The following CPNE8 variants were observed in gnomAD, a reference collection of about 807,000 sequenced individuals.
CPNE8 encodes the protein copine-8.
A neutral mutation model predicts 81.5 loss-of-function variants in CPNE8; 45 were observed. The observed-to-expected ratio is 0.55, with a 90% CI of 0.44 to 0.71. The LOEUF (loss-of-function observed/expected upper bound fraction) is 0.71, where lower values mean the gene tolerates loss of function less well. Ranked by LOEUF, CPNE8 falls within the 30% of genes least tolerant of loss-of-function variation. CPNE8 has a pLI of 0.00. For synonymous variants in CPNE8, 252 were observed against 226.3 expected, an observed-to-expected ratio of 1.11 and a Z score of -1.02; for missense variants, 594 against 672.1, an observed-to-expected ratio of 0.88 and a Z score of 1.28.
chr12:38,819,115 T>A (rs770515167), intron 6 of CPNE8, among the ~76,000 whole-genome samples: 1 of 152,250 alleles, frequency 6.6e-6, no homozygotes, highest in Non-Finnish European at 1.5e-5. Flanking sequence ...TTTATTTTGC[T>A]GTGCAGAAGC....
chr12:38,819,151 G>C (rs961875982), intron 6 of CPNE8, among the ~76,000 whole-genome samples: 1 of 152,070 alleles, frequency 6.6e-6, no homozygotes, highest in African/African-American at 2.4e-5. Flanking sequence ...GATCCCATTT[G>C]TCAATTTTGA....
intron 7 of CPNE8, among the ~76,000 whole-genome samples, chr12:38,768,725 C>A (rs1388944592): frequency 6.6e-6 from 1 of 151,614 alleles, no homozygotes; most frequent in Non-Finnish European, 1.5e-5. Flanking sequence ...GACGGGGTTT[C>A]ACCGTGTTAG....
At chr12:38,657,980 G>A (rs1329392604) in intron 19 of CPNE8, among the ~76,000 whole-genome samples, 1 of 152,142 alleles carries the variant, frequency 6.6e-6, no homozygotes, top group African/African-American at 2.4e-5. Context: ...AAAAACCAGA[G>A]CGCCACTTCT....
intron 8 of CPNE8, among the ~76,000 whole-genome samples, chr12:38,764,674 G>T (rs1274321428): frequency 6.6e-6 from 1 of 150,928 alleles, no homozygotes; most frequent in Non-Finnish European, 1.5e-5. Flanking sequence ...CAGAGGGAAG[G>T]CAGAGCTGTA....
intron 7 of CPNE8, among the ~76,000 whole-genome samples, chr12:38,774,271 C>A (rs1941872330): frequency 6.6e-6 from 1 of 152,084 alleles, no homozygotes; most frequent in Non-Finnish European, 1.5e-5. Context: ...AAAATCTGCT[C>A]AATAAACTCA....
intron 6 of CPNE8, among the ~76,000 whole-genome samples, chr12:38,803,358 C>T (rs1307945719): frequency 1.5e-5 from 2 of 136,262 alleles, no homozygotes; most frequent in Non-Finnish European, 3.2e-5. Flanking sequence ...TCAATATACG[C>T]AAATCAATAA....
At chr12:38,852,640 C>G (rs754457199) in intron 3 of CPNE8, among the ~76,000 whole-genome samples, 3 of 151,822 alleles carry the variant, frequency 2.0e-5, no homozygotes, top group Non-Finnish European at 4.4e-5. Context: ...TATGTTTCCC[C>G]CACTAGACAG....
chr12:38,660,866 A>G (rs1295828230), intron 19 of CPNE8, among the ~76,000 whole-genome samples: 1 of 152,222 alleles, frequency 6.6e-6, no homozygotes, highest in Non-Finnish European at 1.5e-5. Flanking sequence ...AATGCTAATC[A>G]TCACTGGTCA....
intron 6 of CPNE8, among the ~76,000 whole-genome samples, chr12:38,780,015 T>A (rs1942014473): frequency 6.6e-6 from 1 of 152,096 alleles, no homozygotes; most frequent in East Asian, 1.9e-4. Flanking sequence ...TTTTCCTCTA[T>A]TTTCTCTTCC....
intron 6 of CPNE8, among the ~76,000 whole-genome samples, chr12:38,795,888 G>GATAT (rs1942454966): frequency 6.6e-6 from 1 of 152,080 alleles, no homozygotes; most frequent in African/African-American, 2.4e-5. Context: ...TAGATAGATA[G>GATAT]ATAGATAGAT....
chr12:38,837,546 A>G (rs1592130051), intron 5 of CPNE8, among the ~76,000 whole-genome samples: 1 of 152,254 alleles, frequency 6.6e-6, no homozygotes, highest in East Asian at 1.9e-4. Flanking sequence ...AAAATTGAAA[A>G]TAAAGTTATG....
chr12:38,905,860 G>A, upstream of CPNE8: 21 of 985,340 alleles, frequency 2.1e-5, no homozygotes, highest in Non-Finnish European at 2.5e-5. Context: ...GTCAGGCTTG[G>A]TGGACCCAGC....
At chr12:38,892,702 G>A (rs1944330681) in intron 1 of CPNE8, among the ~76,000 whole-genome samples, 1 of 152,202 alleles carries the variant, frequency 6.6e-6, no homozygotes, top group Admixed American at 6.5e-5. Context: ...CAACTGATCA[G>A]AGGAAGCACA....
chr12:38,739,502 T>C (rs1381796349), intron 10 of CPNE8, among the ~76,000 whole-genome samples: 3 of 152,106 alleles, frequency 2.0e-5, no homozygotes, highest in African/African-American at 7.2e-5. Flanking sequence ...CTAAAACACA[T>C]TATAAAAATC....
intron 14 of CPNE8, among the ~76,000 whole-genome samples, chr12:38,695,486 T>C (rs1201899094): frequency 6.6e-6 from 1 of 152,164 alleles, no homozygotes; most frequent in Non-Finnish European, 1.5e-5. Context: ...TTGTCCTCTG[T>C]TGTAACAGTC....
In CPNE8 at chr12:38,714,365, T is replaced by C. The variant is rs183681773; in HGVS notation, c.914+9407A>G. 4.9e-4 allele frequency among the ~76,000 whole-genome samples: 75 copies of C among 152,194 alleles called. 1 individual carries two copies. The East Asian group carries it at 9.1e-3, about 18-fold the overall frequency. On this transcript the variant is annotated intron_variant, in intron 13 of 19. Transcript: ENST00000331366. Reference sequence around the variant, plus strand: ...GAGATTACTAAATAATCTCCAATTTTAGGTAGACAATTGTATTCAAATTTT... The same window carrying C: ...GAGATTACTAAATAATCTCCAATTTCAGGTAGACAATTGTATTCAAATTTT...
chr12:38,740,847 TTC>T (rs1487367325), intron 10 of CPNE8, among the ~76,000 whole-genome samples: 1 of 152,150 alleles, frequency 6.6e-6, no homozygotes, highest in Non-Finnish European at 1.5e-5. Flanking sequence ...TGGTCTAAAA[TTC>T]TCTTTTTTTG....
chr12:38,654,005 A>G lies in CPNE8; in HGVS notation c.1572T>C (p.Ala524=). The G allele has an allele frequency of 1.9e-6, 3 of 1,613,778 alleles. No individual in the cohort carries two copies. The South Asian group carries it at 3.3e-5, about 18-fold the overall frequency. ...GNHILSMARL[A]KDVLAEIPEQ... The stretch of plus-strand genomic sequence containing the variant: ...CAGGGATCTCAGCTAGGACATCTTT[A>G]GCCAATCTAGCCATGCTCAGTATGT... The change falls in exon 20 of 20, where the codon GCT becomes GCC. Residue 524 remains alanine, a synonymous_variant. Coordinates refer to ENST00000331366, the MANE Select transcript of CPNE8 (RefSeq NM_153634.3).
At chr12:38,801,089 T>C (rs1211420863) in intron 6 of CPNE8, among the ~76,000 whole-genome samples, 4 of 136,762 alleles carry the variant, frequency 2.9e-5, no homozygotes, top group Non-Finnish European at 4.7e-5. Flanking sequence ...CTCTGCAGGA[T>C]ATTATCCAGG....
Sources: allele counts gnomAD v4.1 joint callset (sites outside exome capture counted in the v4.1 genomes callset), GRCh38; gene constraint gnomAD v4.1.1; transcripts MANE v1.5; gene names NCBI Gene and HGNC (gene_info 2026-07-23, HGNC 2026-07-21).